Variants in KCNMA1 observed in about 807,000 individuals in gnomAD.
KCNMA1 encodes the protein potassium calcium-activated channel subfamily M alpha 1, also known as Calcium-activated potassium channel subunit alpha-1.
KCNMA1 carries 29 observed loss-of-function variants against 140.0 expected under a neutral mutation model. The ratio of observed to expected loss-of-function variants is 0.21; its 90% confidence interval spans 0.15 to 0.28. The LOEUF (loss-of-function observed/expected upper bound fraction) is 0.28, where lower values mean the gene tolerates loss of function less well. Among genes scored for constraint, KCNMA1 ranks in the 10% least tolerant of loss-of-function variants. The pLI is 1.00. For missense variants in KCNMA1, 880 were observed against 1,602.2 expected, an observed-to-expected ratio of 0.55 and a Z score of 7.70; for synonymous variants, 612 against 611.9, an observed-to-expected ratio of 1.00 and a Z score of 0.00.
intron 16 of KCNMA1, among the ~76,000 whole-genome samples, chr10:77,021,405 C>T (rs973183693): frequency 2.6e-5 from 4 of 152,200 alleles, no homozygotes; most frequent in Admixed American, 2.6e-4. Context: ...TTAGTTGCTA[C>T]TCTCAGTGAG....
intron 1 of KCNMA1, among the ~76,000 whole-genome samples, chr10:77,562,494 A>C (rs2066719583): frequency 1.3e-5 from 2 of 152,350 alleles, no homozygotes; most frequent in South Asian, 2.1e-4. Context: ...AGAGGATCTC[A>C]AGCAAACAAA....
intron 14 of KCNMA1, among the ~76,000 whole-genome samples, chr10:77,065,087 G>T (rs910409892): frequency 6.6e-6 from 1 of 152,194 alleles, no homozygotes; most frequent in Non-Finnish European, 1.5e-5. Flanking sequence ...GGCTGGTCAG[G>T]CTAGGCTGAG....
At chr10:76,991,451 T>C (rs146562010) in intron 19 of KCNMA1, among the ~76,000 whole-genome samples, 298 of 152,320 alleles carry the variant, frequency 2.0e-3, no homozygotes, top group African/African-American at 6.9e-3. Flanking sequence ...CATGTCCTTG[T>C]TCTTTCTTAC....
intron 1 of KCNMA1, among the ~76,000 whole-genome samples, chr10:77,573,970 T>C (rs1482760484): frequency 1.3e-5 from 2 of 151,922 alleles, no homozygotes; most frequent in Non-Finnish European, 2.9e-5. Flanking sequence ...CCCGAGTAGT[T>C]AGGACTACAT....
intron 1 of KCNMA1, among the ~76,000 whole-genome samples, chr10:77,528,990 A>C (rs1202702284): frequency 2.6e-5 from 4 of 152,164 alleles, no homozygotes; most frequent in Non-Finnish European, 4.4e-5. Flanking sequence ...GCAGTGCTGG[A>C]CGGTTCTGGA....
At position 77,049,303 on chromosome 10, in the gene KCNMA1, G is replaced by A. The variant is rs2095263759; in HGVS notation, c.1750-9666C>T. ...AGGCCTTTCCTCATTTCACCAATGT[G>A]CTGTGCTGTCCCTGCCTTAATGGGA... On this transcript the variant is annotated intron_variant, in intron 14 of 27. Transcript: ENST00000286628. Among the ~76,000 whole-genome samples the A allele has an allele frequency of 4.6e-5, 7 of 152,130 alleles. No homozygotes were observed. The South Asian group carries it at 1.4e-3, about 31-fold the overall frequency.
intron 2 of KCNMA1, among the ~76,000 whole-genome samples, chr10:77,390,521 G>A (rs1482438912): frequency 6.6e-6 from 1 of 152,180 alleles, no homozygotes; most frequent in Non-Finnish European, 1.5e-5. Flanking sequence ...GGGAGCCCAT[G>A]CAGGTGCCTC....
At chr10:77,407,522 C>A (rs2154472310) in intron 1 of KCNMA1, among the ~76,000 whole-genome samples, 1 of 152,352 alleles carries the variant, frequency 6.6e-6, no homozygotes, top group Middle Eastern at 3.4e-3. Context: ...ATACATCCAA[C>A]AGGCAAGTGA....
chr10:77,188,503 T>C (rs1394752584), intron 3 of KCNMA1, among the ~76,000 whole-genome samples: 2 of 152,120 alleles, frequency 1.3e-5, no homozygotes, highest in Admixed American at 6.5e-5. Flanking sequence ...AAATTTAGCA[T>C]GTTGACCAGG....
At chr10:76,935,405 T>G (rs1219899372) in intron 23 of KCNMA1, among the ~76,000 whole-genome samples, 1 of 152,194 alleles carries the variant, frequency 6.6e-6, no homozygotes, top group Non-Finnish European at 1.5e-5. Flanking sequence ...CAGGCTGATG[T>G]GCCGAGAAAA....
At chr10:77,393,264 G>A (rs2095901376) in intron 2 of KCNMA1, among the ~76,000 whole-genome samples, 1 of 102,344 alleles carries the variant, frequency 9.8e-6, no homozygotes, top group African/African-American at 3.9e-5. Flanking sequence ...TGGGTTTGGG[G>A]AGGCTCAAGG....
At chr10:77,057,659 G>A (rs1413091410) in intron 14 of KCNMA1, among the ~76,000 whole-genome samples, 2 of 151,956 alleles carry the variant, frequency 1.3e-5, no homozygotes, top group African/African-American at 4.8e-5. Context: ...ACTTAAAGAG[G>A]CAAATCATGG....
intron 2 of KCNMA1, among the ~76,000 whole-genome samples, chr10:77,300,585 C>T (rs188613283): frequency 7.9e-5 from 12 of 152,308 alleles, no homozygotes; most frequent in South Asian, 2.1e-4. Flanking sequence ...TTTCTCCCAC[C>T]GCATCCTCCA....
chr10:77,121,742 T>C (rs541611047), intron 5 of KCNMA1, among the ~76,000 whole-genome samples: 9 of 152,304 alleles, frequency 5.9e-5, no homozygotes, highest in African/African-American at 1.9e-4. Flanking sequence ...AGAAGAGAGA[T>C]GGAGAAGGAA....
At chr10:77,423,793 C>T (rs528455119) in intron 1 of KCNMA1, among the ~76,000 whole-genome samples, 1 of 152,240 alleles carries the variant, frequency 6.6e-6, no homozygotes, top group South Asian at 2.1e-4. Context: ...GGATGCTCAC[C>T]CCAAGGCCCT....
chr10:76,887,859 T>C (rs1589565770), intron 27 of KCNMA1: 1 of 332,272 alleles, frequency 3.0e-6, no homozygotes, highest in South Asian at 3.1e-5. Context: ...TGAAGTGTGA[T>C]GCAACTTTCA....
At chr10:77,536,441 A>G (rs1254107104) in intron 1 of KCNMA1, among the ~76,000 whole-genome samples, 1 of 152,196 alleles carries the variant, frequency 6.6e-6, no homozygotes, top group African/African-American at 2.4e-5. Flanking sequence ...CTGATCTTCA[A>G]TATCCTCATT....
At chr10:77,056,151 G>A (rs1177956034) in intron 14 of KCNMA1, among the ~76,000 whole-genome samples, 4 of 152,172 alleles carry the variant, frequency 2.6e-5, no homozygotes, top group East Asian at 3.9e-4. Flanking sequence ...AAGCCAAGGC[G>A]AGTGGATCAC....
intron 1 of KCNMA1, among the ~76,000 whole-genome samples, chr10:77,483,467 G>A (rs1007679873): frequency 3.3e-5 from 5 of 152,174 alleles, no homozygotes; most frequent in East Asian, 3.9e-4. Context: ...AAAGGCATGC[G>A]CCACTCCCCC....
Sources: gnomAD v4.1 joint callset for allele counts (sites outside exome capture counted in the v4.1 genomes callset) on GRCh38, gnomAD v4.1.1 for gene constraint, MANE v1.5 for transcripts, NCBI Gene and HGNC (gene_info 2026-07-23, HGNC 2026-07-21) for gene names.